The following SGCE variants were observed in gnomAD, a reference collection of about 807,000 sequenced individuals.
SGCE encodes the protein sarcoglycan epsilon, also known as epsilon-sarcoglycan.
A neutral mutation model predicts 57.8 loss-of-function variants in SGCE; 26 were observed. That is an observed-to-expected ratio of 0.45 (90% CI 0.33 to 0.62). The LOEUF (loss-of-function observed/expected upper bound fraction) is 0.62. Among genes scored for constraint, SGCE ranks in the 20% least tolerant of loss-of-function variants. SGCE has a pLI of 0.02. For missense variants in SGCE, 468 were observed against 548.6 expected, an observed-to-expected ratio of 0.85 and a Z score of 1.47; for synonymous variants, 183 against 189.5, an observed-to-expected ratio of 0.97 and a Z score of 0.28.
intron 9 of SGCE, 148 bp from the exon 10 acceptor site, chr7:94,588,880 C>T: frequency 1.2e-6 from 1 of 817,126 alleles, no homozygotes; most frequent in Non-Finnish European, 2.0e-6. Flanking sequence ...CATGAGCTTA[C>T]AGATGAGGAA....
chr7:94,624,276 G>A (rs370335081), intron 3 of SGCE: 86 of 397,426 alleles, frequency 2.2e-4, no homozygotes, highest in Middle Eastern at 1.3e-3. Context: ...GGATAAAACT[G>A]ACTTCAACTA....
intron 9 of SGCE, chr7:94,590,937 C>G (rs1797590925): frequency 6.6e-6 from 1 of 151,920 alleles, no homozygotes; most frequent in Admixed American, 6.6e-5. Context: ...TAGGTAACAC[C>G]TTTGAGAGTT....
intron 5 of SGCE, chr7:94,617,453 T>G (rs1042224532): frequency 3.3e-5 from 5 of 152,204 alleles, no homozygotes; most frequent in Non-Finnish European, 7.3e-5. Context: ...ACACATTACC[T>G]TAAGAAAACT....
rs76615391 is a variant in SGCE, at chr7:94,596,243, A to G, written c.1253+2532T>C. ...ATAGAAAATTTTATTTTGCTTGTATATTAGTAGCAACATTGCAAAATTCTA... is the reference window on the plus strand; with the variant it reads ...ATAGAAAATTTTATTTTGCTTGTATGTTAGTAGCAACATTGCAAAATTCTA... On this transcript the variant is annotated intron_variant, in intron 9 of 10. Coordinates refer to ENST00000648936, the MANE Select transcript of SGCE (RefSeq NM_003919.3). 0.015 allele frequency among the ~76,000 whole-genome samples: 2,289 copies of G among 152,246 alleles called. 172 individuals are homozygous for G. The East Asian group carries it at 0.22, about 14-fold the overall frequency.
At chr7:94,629,549 CT>C (rs1347277404) in intron 2 of SGCE, 169 bp downstream of exon 2, 1 of 643,104 alleles carries the variant, frequency 1.6e-6, no homozygotes, top group Non-Finnish European at 2.7e-6. Flanking sequence ...TTATTTTTGT[CT>C]GTAATTAAAT....
intron 5 of SGCE, chr7:94,617,391 T>A (rs1245518156): frequency 1.3e-5 from 2 of 152,216 alleles, no homozygotes; most frequent in African/African-American, 4.8e-5. Flanking sequence ...AATGCCTTGT[T>A]TTTGTGCTGT....
At chr7:94,623,493 C>T in intron 3 of SGCE, 96 bp from the exon 4 acceptor site, 1 of 812,392 alleles carries the variant, frequency 1.2e-6, no homozygotes, top group Non-Finnish European at 2.1e-6. Flanking sequence ...TCATTCTTTC[C>T]ATTTTCATTA....
rs145040065 is a variant in SGCE at position 94,600,708 on chromosome 7, C to T, written c.975G>A (p.Ser325=). 2.1e-4 allele frequency: 341 copies of T among 1,613,836 alleles called. No homozygotes were observed. Among genetic ancestry groups the T allele is most frequent in the South Asian group, 2.5e-4 (23 of 91,070 alleles). ...TTAGAAAAAGGACCAGTGCCACTGC[C>T]GAGGGCACAGCCAGTGTAATTAGGA... The part of the protein sequence containing the change: ...TDFLITLAVP[S]AVALVLFLIL... The change falls in exon 7 of 11, where the codon TCG becomes TCA. Residue 325 remains serine (S), a synonymous_variant. Transcript: ENST00000648936.
rs542828245 is a variant in SGCE, at chr7:94,614,288, T to C, written c.662+4470A>G. Among the ~76,000 whole-genome samples, 26 of 152,236 alleles carry C rather than the reference T, an allele frequency of 1.7e-4. No homozygotes were observed. In the East Asian group the frequency reaches 5.0e-3, roughly 29 times the overall value. Reference sequence around the variant, plus strand: ...CTCTGGCAGGGGAAAATGGATGCTATTGGGTCCCCTAAAATCCCAGCACCT... The same window carrying C: ...CTCTGGCAGGGGAAAATGGATGCTACTGGGTCCCCTAAAATCCCAGCACCT... On this transcript the variant is annotated intron_variant, in intron 5 of 10. Transcript: ENST00000648936.
At chr7:94,627,790 C>A (rs1803965450) in intron 3 of SGCE, 2 of 176,574 alleles carry the variant, frequency 1.1e-5, no homozygotes. Flanking sequence ...ATTTATCATT[C>A]TATCCCTAAG....
At chr7:94,628,113 C>G in intron 3 of SGCE, 89 bp downstream of exon 3, 1 of 1,041,442 alleles carries the variant, frequency 9.6e-7, no homozygotes, top group African/African-American at 1.6e-5. Flanking sequence ...ACTTTAGTTT[C>G]AACACTTAAA....
intron 4 of SGCE, chr7:94,619,632 C>G (rs919093544): frequency 2.0e-5 from 3 of 152,086 alleles, no homozygotes; most frequent in African/African-American, 7.2e-5. Flanking sequence ...TGTTCTCTTA[C>G]GATAAATAAT....
chr7:94,609,191 CA>C (rs754970750), intron 5 of SGCE, among the ~76,000 whole-genome samples: 4 of 152,096 alleles, frequency 2.6e-5, no homozygotes, highest in Non-Finnish European at 5.9e-5. Flanking sequence ...CCAAAATATA[CA>C]AAAAACACTT....
At chr7:94,586,250 T>G (rs1249408205) in intron 10 of SGCE, among the ~76,000 whole-genome samples, 1 of 152,084 alleles carries the variant, frequency 6.6e-6, no homozygotes, top group Admixed American at 6.6e-5. Context: ...CCAGTTACTG[T>G]TTGATGATAA....
At chr7:94,603,633 TTA>T (rs1282371628) in intron 5 of SGCE, among the ~76,000 whole-genome samples, 181 bp from the exon 6 acceptor site, 1 of 152,172 alleles carries the variant, frequency 6.6e-6, no homozygotes, top group African/African-American at 2.4e-5. Flanking sequence ...ATTCATTCCT[TTA>T]TTCAACCAAT....
intron 1 of SGCE, among the ~76,000 whole-genome samples, chr7:94,634,362 G>A (rs553340461): frequency 3.3e-5 from 5 of 152,162 alleles, no homozygotes; most frequent in Admixed American, 6.5e-5. Context: ...TCTATTATAC[G>A]GTGATACCCG....
At chr7:94,631,452 G>C (rs1804710428) in intron 1 of SGCE, among the ~76,000 whole-genome samples, 1 of 151,900 alleles carries the variant, frequency 6.6e-6, no homozygotes, top group Admixed American at 6.6e-5. Flanking sequence ...TATCCCAGAG[G>C]TAAAACTGCT....
intron 3 of SGCE, chr7:94,623,813 A>T (rs1803222729): frequency 8.1e-6 from 3 of 371,536 alleles, no homozygotes; most frequent in Non-Finnish European, 1.4e-5. Flanking sequence ...TAAAACAAGC[A>T]TATCTTTGTG....
intron 5 of SGCE, among the ~76,000 whole-genome samples, chr7:94,613,542 T>C (rs937235793): frequency 6.6e-6 from 1 of 152,118 alleles, no homozygotes; most frequent in African/African-American, 2.4e-5. Context: ...CTAGATAGAG[T>C]TGTTTCTTGT....
Sources: gnomAD v4.1 joint callset for allele counts (sites outside exome capture counted in the v4.1 genomes callset) on GRCh38, gnomAD v4.1.1 for gene constraint, MANE v1.5 for transcripts, NCBI Gene and HGNC (gene_info 2026-07-23, HGNC 2026-07-21) for gene names.